The following LRIG1 variants were observed in gnomAD, a reference collection of about 807,000 sequenced individuals.
LRIG1 encodes leucine-rich repeats and immunoglobulin-like domains protein 1.
A neutral mutation model predicts 99.2 loss-of-function variants in LRIG1; 48 were observed. The ratio of observed to expected loss-of-function variants is 0.48; its 90% CI spans 0.38 to 0.62. LRIG1 has a LOEUF of 0.62. Among genes scored for constraint, LRIG1 ranks in the 20% least tolerant of loss-of-function variants. The pLI, the probability that LRIG1 is intolerant of heterozygous loss-of-function variation, is 0.00. For missense variants in LRIG1, 1,646 were observed against 1,434.4 expected (o/e 1.15, Z -2.38); for synonymous variants, 772 against 596.1 (o/e 1.29, Z -4.30).
intron 3 of LRIG1, among the ~76,000 whole-genome samples, chr3:66,428,757 C>T (rs1368778596): frequency 1.3e-5 from 2 of 152,222 alleles, no homozygotes; most frequent in African/African-American, 4.8e-5. Flanking sequence ...TGTTCTATTG[C>T]AGAAATTGAT....
At chr3:66,461,041 T>C (rs1023161424) in intron 2 of LRIG1, among the ~76,000 whole-genome samples, 4 of 152,154 alleles carry the variant, frequency 2.6e-5, no homozygotes, top group African/African-American at 4.8e-5. Context: ...CTGGGTGCAA[T>C]GGCTCACACC....
At position 66,380,012 on chromosome 3, in the gene LRIG1, G is replaced by A. The variant is rs1429211342; in HGVS notation, c.*251C>T. On this transcript the variant is annotated 3_prime_UTR_variant, in exon 19 of 19. Coordinates refer to ENST00000273261, the MANE Select transcript of LRIG1 (RefSeq NM_015541.3). ...TGCACTAAAGATTAAAATAGCCTCT[G>A]TAAAAGATATATATGAAATCTCTGA... 2 of 327,338 alleles carry A rather than the reference G, an allele frequency of 6.1e-6. No individual in the cohort carries two copies. Among genetic ancestry groups the A allele is most frequent in the East Asian group, 5.0e-5 (1 of 19,898 alleles). 20.3% of individuals were successfully genotyped at this position (327,338 alleles called of 1,614,324 possible).
chr3:66,408,635 C>T (rs1032923419), intron 7 of LRIG1, among the ~76,000 whole-genome samples: 9 of 152,118 alleles, frequency 5.9e-5, no homozygotes, highest in African/African-American at 2.2e-4. Flanking sequence ...ATTGGACTGG[C>T]TCAGGCTTCG....
intron 10 of LRIG1, among the ~76,000 whole-genome samples, chr3:66,398,658 G>C (rs1396210494): frequency 1.3e-5 from 2 of 152,248 alleles, no homozygotes; most frequent in East Asian, 1.9e-4. Context: ...TGGTGGAAGA[G>C]GCAATGAGGC....
intron 6 of LRIG1, among the ~76,000 whole-genome samples, chr3:66,410,791 C>A (rs1436619219): frequency 4.6e-5 from 7 of 152,332 alleles, no homozygotes; most frequent in South Asian, 2.1e-4. Context: ...CTTATTATCA[C>A]CCGCATCTCA....
chr3:66,471,624 T>C (rs1575717693), intron 1 of LRIG1, among the ~76,000 whole-genome samples: 1 of 151,952 alleles, frequency 6.6e-6, no homozygotes. Flanking sequence ...AACCCAGAGG[T>C]TCTCTCAGTT....
intron 1 of LRIG1, among the ~76,000 whole-genome samples, chr3:66,492,098 G>C (rs974720620): frequency 6.6e-6 from 1 of 152,144 alleles, no homozygotes; most frequent in Non-Finnish European, 1.5e-5. Context: ...TTAATTTCTT[G>C]TTATCCAGCC....
intron 2 of LRIG1, among the ~76,000 whole-genome samples, chr3:66,455,032 C>T (rs1215862376): frequency 1.3e-5 from 2 of 152,162 alleles, no homozygotes; most frequent in Non-Finnish European, 2.9e-5. Flanking sequence ...GTAACCTCTG[C>T]CTCCTGGGTT....
At chr3:66,389,727 C>T (rs1701541552) in intron 12 of LRIG1, among the ~76,000 whole-genome samples, 1 of 152,134 alleles carries the variant, frequency 6.6e-6, no homozygotes, top group Non-Finnish European at 1.5e-5. Context: ...TTGTACACTT[C>T]AATACCCCAC....
Position 66,500,569 on chromosome 3 carries a change from G to A in LRIG1, c.-162C>T. ...TCTGCGGCCGCGGCTCCGGCACTCA[G>A]CGTGCCCCCGGTGCCCGGGCCGCTC... On this transcript the variant is annotated 5_prime_UTR_variant, in exon 1 of 19. Coordinates refer to ENST00000273261, the MANE Select transcript of LRIG1 (RefSeq NM_015541.3). The A allele has an allele frequency of 2.6e-6, 1 of 391,982 alleles. No individual in the cohort carries two copies. Among genetic ancestry groups the A allele is most frequent in the Non-Finnish European group, 4.4e-6 (1 of 228,200 alleles). The allele number at this position is 391,982 out of a possible 1,614,324, so 24.3% of individuals were successfully genotyped here.
intron 1 of LRIG1, among the ~76,000 whole-genome samples, chr3:66,468,057 G>A (rs1352568878): frequency 6.6e-6 from 1 of 152,232 alleles, no homozygotes; most frequent in Non-Finnish European, 1.5e-5. Flanking sequence ...TGCCCTCAGA[G>A]TATAATTCTA....
At chr3:66,469,335 T>C (rs935554233) in intron 1 of LRIG1, 1 of 152,228 alleles carries the variant, frequency 6.6e-6, no homozygotes, top group Non-Finnish European at 1.5e-5. Context: ...TATTTCCATT[T>C]CTGAAAATTT....
chr3:66,400,592 A>T (rs950678076), intron 9 of LRIG1, among the ~76,000 whole-genome samples: 13 of 152,120 alleles, frequency 8.5e-5, no homozygotes, highest in African/African-American at 2.9e-4. Context: ...CCAGCCCCCT[A>T]CTGGGAAGGG....
chr3:66,398,831 C>A, intron 10 of LRIG1, 139 bp downstream of exon 10: 1 of 696,740 alleles, frequency 1.4e-6, no homozygotes, highest in South Asian at 1.7e-5. Context: ...CTGAAGCTGA[C>A]ATAATGAGAA....
intron 1 of LRIG1, among the ~76,000 whole-genome samples, chr3:66,489,603 T>G (rs988945939): frequency 6.6e-6 from 1 of 152,090 alleles, no homozygotes; most frequent in African/African-American, 2.4e-5. Context: ...TAGATACAGA[T>G]CAATTTAATT....
At chr3:66,454,351 G>A (rs1704001010) in intron 2 of LRIG1, among the ~76,000 whole-genome samples, 1 of 152,198 alleles carries the variant, frequency 6.6e-6, no homozygotes, top group Non-Finnish European at 1.5e-5. Flanking sequence ...ATAGAGACTG[G>A]TCAAAAATAG....
chr3:66,406,253 GT>G (rs1364927949), intron 8 of LRIG1: 1 of 985,346 alleles, frequency 1.0e-6, no homozygotes, highest in African/African-American at 1.7e-5. Flanking sequence ...CTCTCAATGG[GT>G]TCCTTCCTAT....
At chr3:66,413,166 T>C (rs1400322386) in intron 5 of LRIG1, 152 bp from the exon 6 acceptor site, 1 of 827,520 alleles carries the variant, frequency 1.2e-6, no homozygotes, top group East Asian at 2.7e-5. Flanking sequence ...GAGCCCACCA[T>C]GTGTCTCGGC....
chr3:66,407,623 G>GCA (rs3839070), intron 7 of LRIG1, 132 bp from the exon 8 acceptor site: 457,339 of 850,810 alleles, frequency 0.54, 138,494 homozygotes, highest in Middle Eastern at 0.62. Context: ...GCGCGTGCGT[G>GCA]CACACACACA....
Sources: allele counts gnomAD v4.1 joint callset (sites outside exome capture counted in the v4.1 genomes callset), GRCh38; gene constraint gnomAD v4.1.1; transcripts MANE v1.5; gene names NCBI Gene and HGNC (gene_info 2026-07-23, HGNC 2026-07-21).